Variants in DYRK1A observed in about 807,000 individuals in gnomAD.
The protein encoded by DYRK1A is dual specificity tyrosine phosphorylation regulated kinase 1A.
Under a neutral mutation model 79.7 loss-of-function variants are expected in DYRK1A, and 9 were observed. The observed-to-expected ratio is 0.11, with a 90% CI of 0.07 to 0.20. DYRK1A has a LOEUF of 0.20. DYRK1A is among the 10% of genes least tolerant of loss of function. The pLI is 1.00. For missense variants in DYRK1A, 622 were observed against 956.0 expected (o/e 0.65, Z 4.61); for synonymous variants, 349 against 329.7 (o/e 1.06, Z -0.63).
intron 4 of DYRK1A, 22 bp downstream of exon 4, chr21:37,478,322 T>A: frequency 6.2e-7 from 1 of 1,607,660 alleles, no homozygotes; most frequent in Non-Finnish European, 8.5e-7. Flanking sequence ...TTTGTTATAA[T>A]AACATCTATC....
intron 2 of DYRK1A, among the ~76,000 whole-genome samples, chr21:37,433,687 C>G (rs1293739572): frequency 6.6e-6 from 1 of 152,116 alleles, no homozygotes; most frequent in Non-Finnish European, 1.5e-5. Flanking sequence ...CTGTCTTAAG[C>G]CTTGACTCGT....
At position 37,522,889 on chromosome 21, in the gene DYRK1A, C is replaced by T. The variant is rs1202637832; in HGVS notation, c.*10358C>T. 2.0e-5 allele frequency: 3 copies of T among 152,422 alleles called. No individual in the cohort carries two copies. Among genetic ancestry groups the T allele is most frequent in the African/African-American group, 7.2e-5 (3 of 41,472 alleles). 9.4% of individuals were successfully genotyped at this position (152,422 alleles called of 1,614,324 possible). A position where few individuals can be genotyped will look rare whatever the true frequency, so the allele number is the denominator to read the frequency against. ...TCCTGCTCTGCTTCCGCTTTCCCCA[C>T]TGCTGGTTCAGGCTGTCTGCAGCAG... On this transcript the variant is annotated 3_prime_UTR_variant, in exon 12 of 12. Coordinates refer to ENST00000647188, the MANE Select transcript of DYRK1A (RefSeq NM_001347721.2).
chr21:37,365,793 T>G (rs1015569177), upstream of DYRK1A: 1 of 152,466 alleles, frequency 6.6e-6, no homozygotes, highest in Non-Finnish European at 1.5e-5. Context: ...GGGATTCATC[T>G]AAAGGGCATT....
At chr21:37,375,929 C>T (rs1804893124) in intron 1 of DYRK1A, among the ~76,000 whole-genome samples, 1 of 151,874 alleles carries the variant, frequency 6.6e-6, no homozygotes, top group African/African-American at 2.4e-5. Context: ...TTTTTGCACC[C>T]AAAAGTTGCC....
chr21:37,376,587 G>A (rs1345743063), intron 1 of DYRK1A, among the ~76,000 whole-genome samples: 2 of 152,140 alleles, frequency 1.3e-5, no homozygotes, highest in Non-Finnish European at 2.9e-5. Flanking sequence ...CCAGAGGTTG[G>A]TAGTGTTAGC....
In DYRK1A at chr21:37,514,113, A is replaced by G. The variant is rs1242338776; in HGVS notation, c.*1582A>G. ...CACTGGATCCAGAAGCTATGGAACC[A>G]GCAGTTGATTCTTGTATTCCTGATT... On this transcript the variant is annotated 3_prime_UTR_variant, in exon 12 of 12. Transcript: ENST00000647188. The G allele has an allele frequency of 6.5e-6, 1 of 152,684 alleles. No homozygotes were observed. Among genetic ancestry groups the G allele is most frequent in the Non-Finnish European group, 1.5e-5 (1 of 68,046 alleles). 9.5% of individuals were successfully genotyped at this position (152,684 alleles called of 1,614,324 possible). A position where few individuals can be genotyped will look rare whatever the true frequency, so the allele number is the denominator to read the frequency against.
intron 1 of DYRK1A, among the ~76,000 whole-genome samples, chr21:37,396,528 GT>G (rs57982192): frequency 1.4e-3 from 210 of 146,052 alleles, no homozygotes; most frequent in African/African-American, 4.0e-3. Flanking sequence ...AAGTTTTTTT[GT>G]TTTTTTTTTT....
At chr21:37,409,303 A>G (rs1332127049) in intron 1 of DYRK1A, among the ~76,000 whole-genome samples, 1 of 152,174 alleles carries the variant, frequency 6.6e-6, no homozygotes, top group Non-Finnish European at 1.5e-5. Context: ...TAATACAGCA[A>G]TTCTGTGGGT....
At chr21:37,427,077 C>A (rs1335911772) in intron 2 of DYRK1A, among the ~76,000 whole-genome samples, 1 of 152,148 alleles carries the variant, frequency 6.6e-6, no homozygotes, top group Non-Finnish European at 1.5e-5. Context: ...TTAACAGATA[C>A]TAACAATATA....
At chr21:37,454,683 CATT>C (rs894630801) in intron 2 of DYRK1A, among the ~76,000 whole-genome samples, 6 of 152,188 alleles carry the variant, frequency 3.9e-5, no homozygotes, top group East Asian at 1.9e-4. Flanking sequence ...AATTTTATCT[CATT>C]GTTACTTGAG....
Position 37,479,608 on chromosome 21 carries a change from TTTTG to T in DYRK1A, c.301-1026_301-1023del, listed in dbSNP as rs1335913830. ...GTTGGTGTTTTGTTTTTGTTTTTGT[TTTTG>T]TTTTTTGTTTTTTTTTTTTTTTTTG... On this transcript the variant is annotated intron_variant, in intron 4 of 11. Transcript: ENST00000647188. Among the ~76,000 whole-genome samples, 3 of 70,046 alleles carry T rather than the reference TTTTG, an allele frequency of 4.3e-5. 1 individual carries two copies. The highest frequency in any genetic ancestry group is 3.1e-4 in the African/African-American group (3 of 9,660). The allele number at this position is 70,046 out of a possible 152,430, so 46.0% of individuals were successfully genotyped here.
chr21:37,425,659 A>G (rs943874275), intron 2 of DYRK1A: 1 of 152,222 alleles, frequency 6.6e-6, no homozygotes, highest in Admixed American at 6.5e-5. Context: ...ACAACAGAAC[A>G]TAGTTTTAAA....
At chr21:37,509,802 C>G (rs565761882) in intron 11 of DYRK1A, among the ~76,000 whole-genome samples, 14 of 152,186 alleles carry the variant, frequency 9.2e-5, no homozygotes, top group Admixed American at 9.2e-4. Context: ...AATAAATAAC[C>G]CTGTACGGTA....
chr21:37,488,975 G>A (rs926962045), intron 6 of DYRK1A: 12 of 629,270 alleles, frequency 1.9e-5, no homozygotes, highest in East Asian at 1.4e-4. Flanking sequence ...TTTTAGTATC[G>A]AGTTGTGCTG....
At chr21:37,477,576 A>G (rs2052446192) in intron 3 of DYRK1A, among the ~76,000 whole-genome samples, 1 of 152,056 alleles carries the variant, frequency 6.6e-6, no homozygotes, top group Non-Finnish European at 1.5e-5. Context: ...TGGTGTCGAG[A>G]GCCATGAGTT....
At chr21:37,368,968 T>TCC (rs201617122) in intron 1 of DYRK1A, among the ~76,000 whole-genome samples, 3 of 151,432 alleles carry the variant, frequency 2.0e-5, no homozygotes, top group African/African-American at 7.3e-5. Flanking sequence ...TTCAGGCCTT[T>TCC]CCCCCCCCAA....
chr21:37,492,099 G>A (rs2053117133), intron 7 of DYRK1A, among the ~76,000 whole-genome samples: 1 of 152,214 alleles, frequency 6.6e-6, no homozygotes, highest in East Asian at 1.9e-4. Flanking sequence ...GGCCTAGGGA[G>A]TTAACAATGG....
chr21:37,512,383 C>T lies in DYRK1A; in HGVS notation c.2117C>T (p.Ala706Val). 6.2e-7 allele frequency: 1 copy of T among 1,614,250 alleles called. No homozygotes were observed. The highest frequency in any genetic ancestry group is 8.5e-7 in the Non-Finnish European group (1 of 1,180,052). Residue 706 changes from alanine (A) to valine (V), a missense_variant, in exon 12 of 12, where the codon GCT (alanine) becomes GTT (valine). Physicochemically the swap from Ala to Val is moderately conservative, Grantham distance 64. This residue lies in a region of DYRK1A where 292 missense variants were observed against 316.7 expected (regional missense o/e 0.92). Coordinates refer to ENST00000647188, the MANE Select transcript of DYRK1A (RefSeq NM_001347721.2). The part of the protein sequence containing the change: ...YSNPRQETGI[A>V]GHPTYQFSAN... ...AATCCCCGCCAAGAGACTGGCATAG[C>T]TGGACATCCAACATACCAATTTTCT...
intron 2 of DYRK1A, among the ~76,000 whole-genome samples, chr21:37,448,340 T>C (rs559942754): frequency 6.6e-6 from 1 of 152,296 alleles, no homozygotes; most frequent in East Asian, 1.9e-4. Context: ...TTTTAAAAAC[T>C]CTTGTTCTGG....
Sources: allele counts gnomAD v4.1 joint callset (sites outside exome capture counted in the v4.1 genomes callset), GRCh38; gene constraint gnomAD v4.1.1; regional missense constraint gnomAD v4.1.1; transcripts MANE v1.5; gene names NCBI Gene and HGNC (gene_info 2026-07-23, HGNC 2026-07-21).